Variants in SLC35F3 observed in about 807,000 individuals in gnomAD.
SLC35F3 encodes putative thiamine transporter SLC35F3.
In SLC35F3, 25 loss-of-function variants were observed where a neutral mutation model predicts 49.9. The ratio of observed to expected loss-of-function variants is 0.50; its 90% CI spans 0.37 to 0.70. The LOEUF (loss-of-function observed/expected upper bound fraction) is 0.70, where lower values mean the gene tolerates loss of function less well. Ranked by LOEUF, SLC35F3 falls within the 30% of genes least tolerant of loss-of-function variation. SLC35F3 has a pLI of 0.00. For missense variants in SLC35F3, 525 were observed against 639.8 expected, an observed-to-expected ratio of 0.82 and a Z score of 1.94; for synonymous variants, 275 against 265.4, an observed-to-expected ratio of 1.04 and a Z score of -0.35.
intron 3 of SLC35F3, among the ~76,000 whole-genome samples, chr1:234,293,853 T>G (rs538148852): frequency 6.6e-6 from 1 of 152,348 alleles, no homozygotes; most frequent in South Asian, 2.1e-4. Flanking sequence ...TCAACTTTCA[T>G]AAAACTGTTC....
intron 2 of SLC35F3, among the ~76,000 whole-genome samples, chr1:234,082,285 A>G (rs1664890055): frequency 6.6e-6 from 1 of 152,178 alleles, no homozygotes; most frequent in Non-Finnish European, 1.5e-5. Context: ...AGTACATCAA[A>G]TGGCTTTATG....
chr1:233,954,721 T>G (rs958940576), intron 2 of SLC35F3, among the ~76,000 whole-genome samples: 22 of 152,218 alleles, frequency 1.4e-4, no homozygotes, highest in African/African-American at 5.1e-4. Flanking sequence ...GACATGGTAC[T>G]GTAGCCTTCT....
chr1:234,056,302 G>C (rs892738214), intron 2 of SLC35F3, among the ~76,000 whole-genome samples: 1 of 151,706 alleles, frequency 6.6e-6, no homozygotes, highest in African/African-American at 2.4e-5. Flanking sequence ...AAATGTCTTT[G>C]AGCACAGTGA....
At chr1:233,969,037 G>A (rs1662947312) in intron 2 of SLC35F3, among the ~76,000 whole-genome samples, 1 of 143,506 alleles carries the variant, frequency 7.0e-6, no homozygotes, top group Non-Finnish European at 1.5e-5. Flanking sequence ...TGAGGTACTA[G>A]GAGTTAGAAT....
chr1:233,938,598 A>C lies in SLC35F3; in HGVS notation c.283+32840A>C, dbSNP rs1323327690. Among the ~76,000 whole-genome samples the C allele has an allele frequency of 2.6e-5, 4 of 152,192 alleles. No homozygotes were observed. The South Asian group carries it at 6.2e-4, about 24-fold the overall frequency. On this transcript the variant is annotated intron_variant, in intron 2 of 7. Coordinates refer to ENST00000366618, the MANE Select transcript of SLC35F3 (RefSeq NM_173508.4). ...ACCTAAGGTCAGTGAGAAGACGAAG[A>C]GCTAACAATGGATGGACAGATGGAT...
intron 2 of SLC35F3, among the ~76,000 whole-genome samples, chr1:234,090,945 A>G (rs1665033876): frequency 6.6e-6 from 1 of 152,236 alleles, no homozygotes; most frequent in South Asian, 2.1e-4. Flanking sequence ...CTCCGTTTCA[A>G]CACGGGGAGG....
At chr1:233,906,813 G>A (rs777248133) in intron 2 of SLC35F3, among the ~76,000 whole-genome samples, 4 of 152,180 alleles carry the variant, frequency 2.6e-5, no homozygotes, top group African/African-American at 4.8e-5. Flanking sequence ...CCAAGGCAAA[G>A]GTCAGTGGTA....
chr1:233,990,396 C>T (rs1265525275), intron 2 of SLC35F3, among the ~76,000 whole-genome samples: 2 of 152,274 alleles, frequency 1.3e-5, no homozygotes, highest in East Asian at 3.9e-4. Context: ...GCAATGTGAA[C>T]ATGGGAAAAT....
intron 6 of SLC35F3, among the ~76,000 whole-genome samples, chr1:234,319,309 T>C (rs1657561323): frequency 6.7e-6 from 1 of 150,016 alleles, no homozygotes; most frequent in Non-Finnish European, 1.5e-5. Flanking sequence ...TAGATTATCA[T>C]TATTATTAAT....
intron 2 of SLC35F3, among the ~76,000 whole-genome samples, chr1:233,966,357 T>C (rs566915109): frequency 2.4e-4 from 37 of 152,236 alleles, no homozygotes; most frequent in African/African-American, 8.7e-4. Context: ...TCAATGGGAA[T>C]ACTTAAATCA....
rs202037675 is a variant in SLC35F3, at chr1:234,275,763, AATAT to A, written c.609-33322_609-33319del. Among the ~76,000 whole-genome samples, 40 of 135,530 alleles carry A rather than the reference AATAT, an allele frequency of 3.0e-4. 1 individual carries two copies. Among genetic ancestry groups the A allele is most frequent in the African/African-American group, 8.4e-4 (30 of 35,568 alleles). The allele number at this position is 135,530 out of a possible 152,430, so 88.9% of individuals were successfully genotyped here. On this transcript the variant is annotated intron_variant, in intron 3 of 7. Transcript: ENST00000366618. Reference sequence around the variant, plus strand: ...CATTGGTAAGTATTGAAAAAAAAAAAATATATATATATATATATAGCACAGAAGA... The same window carrying A: ...CATTGGTAAGTATTGAAAAAAAAAAAATATATATATATATAGCACAGAAGA...
At chr1:234,185,588 C>T (rs2102925914) in intron 2 of SLC35F3, among the ~76,000 whole-genome samples, 1 of 152,300 alleles carries the variant, frequency 6.6e-6, no homozygotes, top group Non-Finnish European at 1.5e-5. Flanking sequence ...CTCCAGTGAC[C>T]TCTGTCCTGG....
intron 2 of SLC35F3, among the ~76,000 whole-genome samples, chr1:234,211,441 T>G (rs947040457): frequency 6.6e-6 from 1 of 152,118 alleles, no homozygotes; most frequent in Non-Finnish European, 1.5e-5. Context: ...TGAAAGCAGC[T>G]GGGAGGGAGG....
chr1:234,275,315 T>C (rs1216354954), intron 3 of SLC35F3, among the ~76,000 whole-genome samples: 1 of 151,648 alleles, frequency 6.6e-6, no homozygotes, highest in African/African-American at 2.4e-5. Flanking sequence ...ATTGTGGATA[T>C]GTAAACATCC....
At chr1:234,081,740 C>CT (rs1372102197) in intron 2 of SLC35F3, among the ~76,000 whole-genome samples, 104 of 145,054 alleles carry the variant, frequency 7.2e-4, no homozygotes, top group African/African-American at 1.7e-3. Context: ...TGGCACCTTT[C>CT]TTTTTTTTTT....
intron 2 of SLC35F3, among the ~76,000 whole-genome samples, chr1:234,172,922 G>A (rs1273365653): frequency 2.0e-5 from 3 of 152,292 alleles, no homozygotes; most frequent in Admixed American, 6.5e-5. Context: ...TGCAAAAATA[G>A]CAGAGAGGCC....
At chr1:233,915,328 C>T (rs1459259365) in intron 2 of SLC35F3, among the ~76,000 whole-genome samples, 1 of 152,198 alleles carries the variant, frequency 6.6e-6, no homozygotes, top group Non-Finnish European at 1.5e-5. Flanking sequence ...GTCAATTTCG[C>T]TACCTTACTT....
chr1:234,156,485 C>A (rs1036377617), intron 2 of SLC35F3, among the ~76,000 whole-genome samples: 1 of 152,020 alleles, frequency 6.6e-6, no homozygotes, highest in Non-Finnish European at 1.5e-5. Context: ...GATGAGGAGT[C>A]GTAACTGTCA....
At chr1:234,115,208 CT>C (rs1665468720) in intron 2 of SLC35F3, among the ~76,000 whole-genome samples, 1 of 152,180 alleles carries the variant, frequency 6.6e-6, no homozygotes, top group Non-Finnish European at 1.5e-5. Context: ...CTTTCTCTGC[CT>C]TTTGAGGGAC....
Sources: gnomAD v4.1 joint callset for allele counts (sites outside exome capture counted in the v4.1 genomes callset) on GRCh38, gnomAD v4.1.1 for gene constraint, MANE v1.5 for transcripts, NCBI Gene and HGNC (gene_info 2026-07-23, HGNC 2026-07-21) for gene names.